ASTN1: variants seen among roughly 807,000 people sequenced by gnomAD.
ASTN1 encodes astrotactin-1.
Under a neutral mutation model 140.7 loss-of-function variants are expected in ASTN1, and 41 were observed. The observed-to-expected ratio is 0.29, with a 90% confidence interval of 0.23 to 0.38. ASTN1 has a LOEUF of 0.38. Among genes scored for constraint, ASTN1 ranks in the 10% least tolerant of loss-of-function variants. The pLI is 1.00. For missense variants in ASTN1, 1,479 were observed against 1,678.8 expected (o/e 0.88, Z 2.08); for synonymous variants, 640 against 652.2 (o/e 0.98, Z 0.29).
At chr1:177,119,632 G>A (rs935097487) in intron 1 of ASTN1, among the ~76,000 whole-genome samples, 5 of 152,154 alleles carry the variant, frequency 3.3e-5, no homozygotes, top group African/African-American at 1.2e-4. Flanking sequence ...CAAGCAACTT[G>A]AGGGCCAAAA....
intron 16 of ASTN1, among the ~76,000 whole-genome samples, chr1:176,933,851 C>T (rs1671318249): frequency 6.6e-6 from 1 of 152,186 alleles, no homozygotes; most frequent in African/African-American, 2.4e-5. Context: ...ACTTTGTCCT[C>T]CCTAGGGTAG....
intron 1 of ASTN1, among the ~76,000 whole-genome samples, chr1:177,088,780 T>C (rs1038483416): frequency 6.6e-6 from 1 of 152,166 alleles, no homozygotes; most frequent in Non-Finnish European, 1.5e-5. Flanking sequence ...AACATATCTT[T>C]ACAGTGCTTT....
chr1:176,974,708 T>C (rs1377254012), intron 8 of ASTN1, among the ~76,000 whole-genome samples: 3 of 152,168 alleles, frequency 2.0e-5, no homozygotes, highest in Non-Finnish European at 4.4e-5. Context: ...TATAGATATA[T>C]CAAATGATTT....
intron 8 of ASTN1, among the ~76,000 whole-genome samples, chr1:177,003,118 A>G (rs1179834597): frequency 2.6e-5 from 4 of 152,126 alleles, no homozygotes; most frequent in Admixed American, 2.6e-4. Context: ...GAAGGCGAGA[A>G]TCCTCTCTAA....
At chr1:177,151,408 A>G (rs1571856865) in intron 1 of ASTN1, among the ~76,000 whole-genome samples, 1 of 151,796 alleles carries the variant, frequency 6.6e-6, no homozygotes, top group African/African-American at 2.4e-5. Context: ...GATGTGTGCA[A>G]CTTTTGCCTT....
intron 1 of ASTN1, among the ~76,000 whole-genome samples, chr1:177,066,149 T>TAACCCAAACTCCACTTCTCCTTTC (rs1371694109): frequency 6.6e-6 from 1 of 152,198 alleles, no homozygotes; most frequent in Non-Finnish European, 1.5e-5. Context: ...TCTCCAAGTC[T>TAACCCAAACTCCACTTCTCCTTTC]AACCCAAACT....
downstream of ASTN1, among the ~76,000 whole-genome samples, chr1:176,859,178 TC>T (rs1667891205): frequency 6.6e-6 from 1 of 152,206 alleles, no homozygotes; most frequent in African/African-American, 2.4e-5. Flanking sequence ...TCCCAAATTG[TC>T]CACTCCCTTC....
chr1:176,882,553 T>A (rs1297859982), intron 20 of ASTN1, among the ~76,000 whole-genome samples: 1 of 152,214 alleles, frequency 6.6e-6, no homozygotes, highest in Non-Finnish European at 1.5e-5. Context: ...TACAATTTTT[T>A]TTTTCATTTT....
At chr1:177,024,357 A>T (rs1282305253) in intron 6 of ASTN1, among the ~76,000 whole-genome samples, 1 of 152,192 alleles carries the variant, frequency 6.6e-6, no homozygotes, top group Non-Finnish European at 1.5e-5. Flanking sequence ...CAAAAATGGG[A>T]GATGGCATAG....
intron 1 of ASTN1, among the ~76,000 whole-genome samples, chr1:177,109,090 T>G (rs1488244407): frequency 6.6e-6 from 1 of 152,116 alleles, no homozygotes; most frequent in Non-Finnish European, 1.5e-5. Flanking sequence ...GATAAAGGGA[T>G]AGAGAGATTT....
At chr1:177,063,328 C>A (rs1482203661) in intron 1 of ASTN1, among the ~76,000 whole-genome samples, 1 of 152,156 alleles carries the variant, frequency 6.6e-6, no homozygotes, top group Non-Finnish European at 1.5e-5. Flanking sequence ...CCCTCCCTAA[C>A]CACCTAGAGG....
Position 176,862,337 on chromosome 1 carries a change from T to A in ASTN1, c.*1947A>T. On this transcript the variant is annotated 3_prime_UTR_variant, in exon 23 of 23. Transcript: ENST00000361833. ...CTTTATCTCAGCCTCATCACAGGCT[T>A]CCTTCCCAGTCATGAGGGTGGGGAG... The A allele has an allele frequency of 1.0e-6, 1 of 985,470 alleles. No individual in the cohort carries two copies. The highest frequency in any genetic ancestry group is 1.2e-6 in the Non-Finnish European group (1 of 829,978). 61.0% of individuals were successfully genotyped at this position (985,470 alleles called of 1,614,324 possible). A position where few individuals can be genotyped will look rare whatever the true frequency, so the allele number is the denominator to read the frequency against.
intron 3 of ASTN1, among the ~76,000 whole-genome samples, chr1:177,031,495 T>C (rs914188790): frequency 6.6e-5 from 10 of 152,320 alleles, no homozygotes; most frequent in Middle Eastern, 3.4e-3. Flanking sequence ...CACCAGGTGT[T>C]ATGGTCAATA....
intron 7 of ASTN1, among the ~76,000 whole-genome samples, chr1:177,017,826 G>T (rs1318125273): frequency 6.6e-6 from 1 of 152,146 alleles, no homozygotes; most frequent in Non-Finnish European, 1.5e-5. Context: ...TAGACGCCTC[G>T]AGGTACCTTG....
chr1:177,162,366 C>A (rs923676430), intron 1 of ASTN1, among the ~76,000 whole-genome samples: 1 of 152,146 alleles, frequency 6.6e-6, no homozygotes. Flanking sequence ...GGGAGATAAT[C>A]GATGCATTTA....
chr1:177,022,054 C>T (rs1411574555), intron 7 of ASTN1, among the ~76,000 whole-genome samples: 1 of 152,162 alleles, frequency 6.6e-6, no homozygotes, highest in African/African-American at 2.4e-5. Context: ...CCTAGAATCT[C>T]TGTGATGGGC....
At chr1:177,065,054 A>T (rs1678284076) in intron 1 of ASTN1, among the ~76,000 whole-genome samples, 1 of 152,214 alleles carries the variant, frequency 6.6e-6, no homozygotes, top group Admixed American at 6.5e-5. Flanking sequence ...GGCTCGCAAA[A>T]GCAAATTTGG....
chr1:176,973,709 A>C (rs1673240642), intron 8 of ASTN1, among the ~76,000 whole-genome samples: 1 of 152,180 alleles, frequency 6.6e-6, no homozygotes, highest in Non-Finnish European at 1.5e-5. Flanking sequence ...CTGAGAAAAC[A>C]GAGGTAATCA....
intron 1 of ASTN1, among the ~76,000 whole-genome samples, chr1:177,072,367 T>C (rs1245616623): frequency 2.0e-5 from 3 of 152,122 alleles, no homozygotes; most frequent in Non-Finnish European, 1.5e-5. Flanking sequence ...ATCTGCATAG[T>C]ATTTGGTTTG....
Sources: allele counts gnomAD v4.1 joint callset (sites outside exome capture counted in the v4.1 genomes callset), GRCh38; gene constraint gnomAD v4.1.1; transcripts MANE v1.5; gene names NCBI Gene and HGNC (gene_info 2026-07-23, HGNC 2026-07-21).